The following TXN2 variants were observed in gnomAD, a reference collection of about 807,000 sequenced individuals.
The protein encoded by TXN2 is thioredoxin 2.
In TXN2, 12 loss-of-function variants were observed where a neutral mutation model predicts 14.6. The ratio of observed to expected loss-of-function variants is 0.82; its 90% CI spans 0.53 to 1.33. The LOEUF (loss-of-function observed/expected upper bound fraction) is 1.33, where lower values mean the gene tolerates loss of function less well. Among genes scored for constraint, TXN2 ranks in the 40% most tolerant of loss-of-function variants. TXN2 has a pLI of 0.00. For synonymous variants in TXN2, 89 were observed against 81.0 expected (o/e 1.10, Z -0.53); for missense variants, 173 against 207.7 (o/e 0.83, Z 1.03).
chr22:36,471,744 G>C (rs370684119), intron 3 of TXN2, among the ~76,000 whole-genome samples: 2 of 152,166 alleles, frequency 1.3e-5, no homozygotes, highest in East Asian at 3.8e-4. Flanking sequence ...TGAGGAAGGT[G>C]AATCATCTGA....
At chr22:36,474,378 G>C (rs1933345129) in intron 3 of TXN2, among the ~76,000 whole-genome samples, 2 of 152,158 alleles carry the variant, frequency 1.3e-5, no homozygotes, top group African/African-American at 4.8e-5. Context: ...TAGCTCAAGG[G>C]GCGGCCAGCC....
intron 3 of TXN2, among the ~76,000 whole-genome samples, chr22:36,471,483 G>C (rs1346569945): frequency 1.3e-5 from 2 of 152,144 alleles, no homozygotes; most frequent in African/African-American, 2.4e-5. Context: ...TGGGTGCTGC[G>C]GGATGTTGCA....
At position 36,473,241 on chromosome 22, in the gene TXN2, G is replaced by A. The variant is rs1933318423; in HGVS notation, c.387+3492C>T. On this transcript the variant is annotated intron_variant, in intron 3 of 3. Coordinates refer to ENST00000216185, the MANE Select transcript of TXN2 (RefSeq NM_012473.4). ...GCTGATCACCTGATGTCAGGAGTTT[G>A]AGACCAGCCTGGCAAACATGGTAAA... 3.3e-5 allele frequency among the ~76,000 whole-genome samples: 5 copies of A among 152,320 alleles called. No homozygotes were observed. In the South Asian group the frequency reaches 1.0e-3, roughly 32 times the overall value.
chr22:36,473,657 C>T (rs889522943), intron 3 of TXN2, among the ~76,000 whole-genome samples: 17 of 152,190 alleles, frequency 1.1e-4, no homozygotes, highest in African/African-American at 3.4e-4. Flanking sequence ...CTAAACAACA[C>T]GGCTGAGACC....
intron 3 of TXN2, among the ~76,000 whole-genome samples, chr22:36,469,296 G>A (rs1446989676): frequency 1.3e-5 from 2 of 152,170 alleles, no homozygotes. Context: ...ATTGTGCCTG[G>A]CATACTGTGG....
intron 3 of TXN2, among the ~76,000 whole-genome samples, chr22:36,475,757 A>G (rs903674301): frequency 6.6e-6 from 1 of 152,208 alleles, no homozygotes; most frequent in Admixed American, 6.5e-5. Context: ...CTCAACACCA[A>G]GTAACACTAC....
chr22:36,473,728 T>C (rs1933329330), intron 3 of TXN2, among the ~76,000 whole-genome samples: 2 of 152,070 alleles, frequency 1.3e-5, no homozygotes, highest in African/African-American at 4.8e-5. Flanking sequence ...CCCCAGGCAG[T>C]GGACAGGGCG....
chr22:36,468,821 C>T (rs1409176319), intron 3 of TXN2: 1 of 308,576 alleles, frequency 3.2e-6, no homozygotes, highest in African/African-American at 2.3e-5. Context: ...GTGGGCAGAT[C>T]ATTTGAGGTC....
intron 2 of TXN2, among the ~76,000 whole-genome samples, chr22:36,479,882 C>CT (rs113981716): frequency 0.01 from 1,439 of 139,970 alleles, 8 homozygotes; most frequent in Middle Eastern, 0.043. Context: ...ACACCGATAA[C>CT]TTTTTTTTTT....
chr22:36,469,670 G>C (rs968827976), intron 3 of TXN2, among the ~76,000 whole-genome samples: 10 of 152,306 alleles, frequency 6.6e-5, no homozygotes, highest in South Asian at 2.1e-4. Context: ...AACAGAACAA[G>C]ATAGGCCGGT....
intron 1 of TXN2, 181 bp downstream of exon 1, chr22:36,481,383 G>T: frequency 6.2e-6 from 1 of 162,542 alleles, no homozygotes. Flanking sequence ...ATGTACTGGA[G>T]GGAACCAATA....
intron 3 of TXN2, among the ~76,000 whole-genome samples, chr22:36,471,775 G>T (rs1473899833): frequency 1.7e-4 from 26 of 151,994 alleles, no homozygotes; most frequent in Admixed American, 1.4e-3. Context: ...TCGAGACAAG[G>T]CCGGCCAATG....
intron 3 of TXN2, among the ~76,000 whole-genome samples, chr22:36,473,276 CTATT>C (rs1310739516): frequency 6.6e-6 from 1 of 152,144 alleles, no homozygotes. Context: ...AACCTTGTCT[CTATT>C]AAAACTACAA....
rs34939764 is a variant in TXN2 at position 36,470,781 on chromosome 22, T to TAA, written c.388-2866_388-2865dup. 1.0e-3 allele frequency among the ~76,000 whole-genome samples: 140 copies of TAA among 136,612 alleles called. 1 individual carries two copies. The highest frequency in any genetic ancestry group is 3.7e-3 in the Middle Eastern group (1 of 272). The allele number at this position is 136,612 out of a possible 152,430, so 89.6% of individuals were successfully genotyped here. On this transcript the variant is annotated intron_variant, in intron 3 of 3. Coordinates refer to ENST00000216185, the MANE Select transcript of TXN2 (RefSeq NM_012473.4). ...CAAGACGTCGTCTCCATAAAAATAT[T>TAA]AAAAAAAAAAAAAAAGAACTCCAGA...
In TXN2 at chr22:36,475,667, T is replaced by C. The variant is rs138148862; in HGVS notation, c.387+1066A>G. ...CCAACCAGTCCTTTAGAGAAAAAGT[T>C]TGCTGACCCTTGATTTAAAATACTA... On this transcript the variant is annotated intron_variant, in intron 3 of 3. Coordinates refer to ENST00000216185, the MANE Select transcript of TXN2 (RefSeq NM_012473.4). Among the ~76,000 whole-genome samples the C allele has an allele frequency of 3.3e-3, 503 of 152,292 alleles. 5 individuals carry two copies. The highest frequency in any genetic ancestry group is 0.021 in the East Asian group (110 of 5,192).
At chr22:36,481,517 T>G in intron 1 of TXN2, 47 bp downstream of exon 1, 1 of 946,788 alleles carries the variant, frequency 1.1e-6, no homozygotes, top group Non-Finnish European at 1.3e-6. Context: ...GCTCGCGGCA[T>G]GCCTCAGCCG....
At chr22:36,471,742 G>A (rs995611412) in intron 3 of TXN2, among the ~76,000 whole-genome samples, 5 of 152,170 alleles carry the variant, frequency 3.3e-5, no homozygotes, top group Non-Finnish European at 5.9e-5. Context: ...GCTGAGGAAG[G>A]TGAATCATCT....
chr22:36,472,983 C>G (rs1247251516), intron 3 of TXN2, among the ~76,000 whole-genome samples: 1 of 151,956 alleles, frequency 6.6e-6, no homozygotes, highest in Non-Finnish European at 1.5e-5. Context: ...GGACACCCAG[C>G]CCTGGCATTA....
intron 1 of TXN2, 36 bp downstream of exon 1, chr22:36,481,528 C>T: frequency 2.0e-6 from 2 of 982,314 alleles, no homozygotes; most frequent in Non-Finnish European, 2.5e-6. Flanking sequence ...GCCTCAGCCG[C>T]GACACCACCT....
Sources: allele counts gnomAD v4.1 joint callset (sites outside exome capture counted in the v4.1 genomes callset), GRCh38; gene constraint gnomAD v4.1.1; transcripts MANE v1.5; gene names NCBI Gene and HGNC (gene_info 2026-07-23, HGNC 2026-07-21).